Variants in MAML2 observed in about 807,000 individuals in gnomAD.
The protein encoded by MAML2 is mastermind-like protein 2.
Under a neutral mutation model 96.1 loss-of-function variants are expected in MAML2, and 22 were observed. The observed-to-expected ratio is 0.23, with a 90% confidence interval of 0.16 to 0.33. The LOEUF (loss-of-function observed/expected upper bound fraction) is 0.33, where lower values mean the gene tolerates loss of function less well. MAML2 is among the 10% of genes least tolerant of loss of function. MAML2 has a pLI of 1.00. For synonymous variants in MAML2, 561 were observed against 521.3 expected (o/e 1.08, Z -1.04); for missense variants, 1,367 against 1,392.4 (o/e 0.98, Z 0.29).
At chr11:96,003,425 TG>T (rs2135720563) in intron 2 of MAML2, among the ~76,000 whole-genome samples, 1 of 141,934 alleles carries the variant, frequency 7.0e-6, no homozygotes, top group Non-Finnish European at 1.5e-5. Flanking sequence ...TTACAGAACT[TG>T]TCTTTTTTCC....
intron 2 of MAML2, among the ~76,000 whole-genome samples, chr11:96,044,917 T>G (rs951099917): frequency 3.3e-5 from 5 of 152,244 alleles, no homozygotes; most frequent in Non-Finnish European, 7.3e-5. Flanking sequence ...TGAATCAGGA[T>G]ATGCCTGCAC....
chr11:96,275,049 G>A (rs1468012168), intron 1 of MAML2, among the ~76,000 whole-genome samples: 5 of 151,876 alleles, frequency 3.3e-5, no homozygotes, highest in Non-Finnish European at 7.4e-5. Flanking sequence ...TTTAATGGCT[G>A]CATAATATTC....
rs575234482 is a variant in MAML2, at chr11:96,059,876, C to A, written c.2139+32016G>T. Among the ~76,000 whole-genome samples the A allele has an allele frequency of 5.3e-5, 8 of 152,258 alleles. No homozygotes were observed. The East Asian group carries it at 1.4e-3, about 26-fold the overall frequency. On this transcript the variant is annotated intron_variant, in intron 2 of 4. Coordinates refer to ENST00000524717, the MANE Select transcript of MAML2 (RefSeq NM_032427.4). Reference sequence around the variant, plus strand: ...AAGGATGGAAGAAAAGTGGTCCTTGCCCTTGAGCATCTGACAGCCCCAAGG... The same window carrying A: ...AAGGATGGAAGAAAAGTGGTCCTTGACCTTGAGCATCTGACAGCCCCAAGG...
intron 1 of MAML2, among the ~76,000 whole-genome samples, chr11:96,218,859 AATTCAT>A (rs1862090517): frequency 6.6e-6 from 1 of 152,242 alleles, no homozygotes; most frequent in Non-Finnish European, 1.5e-5. Flanking sequence ...ACTGAAAGAT[AATTCAT>A]TGTTTATCTG....
At chr11:96,233,170 T>C (rs1487187257) in intron 1 of MAML2, among the ~76,000 whole-genome samples, 6 of 152,120 alleles carry the variant, frequency 3.9e-5, no homozygotes, top group African/African-American at 1.4e-4. Context: ...AGTGCTAGAG[T>C]ACAATAAATT....
intron 2 of MAML2, among the ~76,000 whole-genome samples, chr11:96,002,816 G>C (rs755889190): frequency 2.7e-4 from 39 of 145,888 alleles, no homozygotes; most frequent in Middle Eastern, 7.2e-3. Context: ...TGATGATGGG[G>C]ATGATGAGGA....
chr11:96,249,642 C>T (rs559007404), intron 1 of MAML2, among the ~76,000 whole-genome samples: 23 of 152,188 alleles, frequency 1.5e-4, no homozygotes, highest in African/African-American at 5.5e-4. Context: ...CTACATCCAA[C>T]GTATTGGCAC....
In MAML2 at chr11:95,991,305, G is replaced by A. The variant is rs114396868; in HGVS notation, c.2343+215C>T. Among the ~76,000 whole-genome samples, 1,191 of 151,772 alleles carry A rather than the reference G, an allele frequency of 7.8e-3. 15 individuals carry two copies. Among genetic ancestry groups the A allele is most frequent in the African/African-American group, 0.028 (1,155 of 41,326 alleles). ...GGCTGGGCAGGGCTGGTTAGCAGAG[G>A]TGCCATGCATTCCAAGTGTCCAGCA... On this transcript the variant is annotated intron_variant, in intron 3 of 4. Transcript: ENST00000524717.
At chr11:96,176,243 T>C (rs1861386962) in intron 1 of MAML2, among the ~76,000 whole-genome samples, 1 of 152,192 alleles carries the variant, frequency 6.6e-6, no homozygotes, top group Non-Finnish European at 1.5e-5. Context: ...CAAAGTTGTC[T>C]CCATATAAAA....
intron 2 of MAML2, among the ~76,000 whole-genome samples, chr11:96,080,184 G>A (rs1430525684): frequency 6.6e-6 from 1 of 152,158 alleles, no homozygotes; most frequent in Non-Finnish European, 1.5e-5. Flanking sequence ...GAGGAAGAAA[G>A]GGTTGAAAAT....
intron 1 of MAML2, among the ~76,000 whole-genome samples, chr11:96,290,342 C>T (rs1863192188): frequency 6.6e-6 from 1 of 152,182 alleles, no homozygotes; most frequent in African/African-American, 2.4e-5. Context: ...GAGAATGTGG[C>T]TCATTAAATA....
Position 95,991,618 on chromosome 11 carries a change from A to G in MAML2, c.2245T>C (p.Leu749=), listed in dbSNP as rs1025336753. Reference sequence around the variant, plus strand: ...TTCTTTCCCATCAATTGCTGATTCAACAGTGATTGCTGGGAGTTCATGTAA... The same window carrying G: ...TTCTTTCCCATCAATTGCTGATTCAGCAGTGATTGCTGGGAGTTCATGTAA... ...SGYMNSQQSL[L]NQQLMGKKQT... is the part of the protein sequence containing the mutation. The change falls in exon 3 of 5, where the codon TTG becomes CTG. Residue 749 remains leucine, a synonymous_variant. Coordinates refer to ENST00000524717, the MANE Select transcript of MAML2 (RefSeq NM_032427.4). The G allele has an allele frequency of 1.2e-6, 2 of 1,613,738 alleles. No individual in the cohort carries two copies. The highest frequency in any genetic ancestry group is 1.7e-6 in the Non-Finnish European group (2 of 1,179,708).
chr11:96,341,009 T>C (rs1863985447), intron 1 of MAML2, among the ~76,000 whole-genome samples: 2 of 152,098 alleles, frequency 1.3e-5, no homozygotes, highest in Non-Finnish European at 2.9e-5. Flanking sequence ...AAAAATGGCT[T>C]GGGGGCCTAA....
At chr11:96,169,818 A>G (rs1211266734) in intron 1 of MAML2, among the ~76,000 whole-genome samples, 1 of 152,112 alleles carries the variant, frequency 6.6e-6, no homozygotes, top group Non-Finnish European at 1.5e-5. Flanking sequence ...CCATGCCCAG[A>G]TAATTTTTGT....
chr11:96,252,172 T>TACACACACA (rs1333313977), intron 1 of MAML2, among the ~76,000 whole-genome samples: 37 of 151,074 alleles, frequency 2.4e-4, no homozygotes, highest in African/African-American at 9.0e-4. Context: ...CTTCTCTCTC[T>TACACACACA]CTACACACAC....
chr11:96,001,498 A>G (rs138477486), intron 2 of MAML2, among the ~76,000 whole-genome samples: 130 of 152,244 alleles, frequency 8.5e-4, no homozygotes, highest in Middle Eastern at 3.4e-3. Context: ...TGAGGATTTC[A>G]CATAGCTATG....
rs149407872 is a variant in MAML2, at chr11:96,057,516, G to T, written c.2139+34376C>A. Among the ~76,000 whole-genome samples the T allele has an allele frequency of 3.7e-4, 57 of 152,198 alleles. No individual in the cohort carries two copies. In the East Asian group the frequency reaches 0.011, roughly 28 times the overall value. On this transcript the variant is annotated intron_variant, in intron 2 of 4. Transcript: ENST00000524717. ...CTGGTAACCAAAATAAAATAGTATT[G>T]TTCCTCAAAAAGCTCCTAATAGAGC...
At chr11:96,127,342 G>T (rs531654873) in intron 1 of MAML2, among the ~76,000 whole-genome samples, 100 of 152,278 alleles carry the variant, frequency 6.6e-4, no homozygotes, top group African/African-American at 2.3e-3. Flanking sequence ...AAAAAGGATT[G>T]ATAGGCTGAG....
At chr11:96,325,863 G>A (rs1863768951) in intron 1 of MAML2, among the ~76,000 whole-genome samples, 1 of 152,136 alleles carries the variant, frequency 6.6e-6, no homozygotes, top group African/African-American at 2.4e-5. Context: ...CCACTGTGCA[G>A]GCAGATGTCC....
Sources: allele counts gnomAD v4.1 joint callset (sites outside exome capture counted in the v4.1 genomes callset), GRCh38; gene constraint gnomAD v4.1.1; transcripts MANE v1.5; gene names NCBI Gene and HGNC (gene_info 2026-07-23, HGNC 2026-07-21).